The following CFAP47 variants were observed in gnomAD, a reference collection of about 807,000 sequenced individuals.
CFAP47 encodes cilia and flagella associated protein 47, also known as cilia- and flagella-associated protein 47.
Under a neutral mutation model 148.1 loss-of-function variants are expected in CFAP47, and 29 were observed. The ratio of observed to expected loss-of-function variants is 0.20; its 90% CI spans 0.15 to 0.27. The LOEUF (loss-of-function observed/expected upper bound fraction) is 0.27, where lower values mean the gene tolerates loss of function less well. Ranked by LOEUF, CFAP47 falls within the 10% of genes least tolerant of loss-of-function variation. The pLI is 1.00. For missense variants in CFAP47, 1,872 were observed against 1,697.5 expected, an observed-to-expected ratio of 1.10 and a Z score of -1.81; for synonymous variants, 664 against 577.3, an observed-to-expected ratio of 1.15 and a Z score of -2.15.
chrX:35,994,133 G>A (rs1330607766), intron 18 of CFAP47, among the ~76,000 whole-genome samples: 4 of 110,020 alleles, frequency 3.6e-5, no homozygotes, highest in Admixed American at 1.9e-4. Flanking sequence ...ATGGTGGTGG[G>A]CACCTGTAGT....
chrX:36,131,469 G>C (rs1457690986), intron 33 of CFAP47, among the ~76,000 whole-genome samples: 1 of 111,013 alleles, frequency 9.0e-6, no homozygotes, highest in Non-Finnish European at 1.9e-5. Context: ...ATAAAAAAAA[G>C]TCTCTTGAGA....
intron 35 of CFAP47, among the ~76,000 whole-genome samples, chrX:36,139,861 G>A (rs1323154313): frequency 2.7e-5 from 3 of 110,939 alleles, no homozygotes; most frequent in African/African-American, 9.9e-5. Flanking sequence ...ATGTCACTTT[G>A]TACCATTCCT....
chrX:36,361,326 C>T lies in CFAP47; in HGVS notation c.8852-4C>T, dbSNP rs1353739026. ...GAAATATATTTTCATCTTGACTTTC[C>T]TAGAAATTCCTAAAATACATGAATT... On this transcript the variant is annotated splice_region_variant and splice_polypyrimidine_tract_variant and intron_variant, in intron 60 of 63. Transcript: ENST00000378653. The T allele has an allele frequency of 1.9e-6, 2 of 1,042,063 alleles. No individual in the cohort carries two copies. Among genetic ancestry groups the T allele is most frequent in the East Asian group, 3.4e-5 (1 of 29,080 alleles). The allele number at this position is 1,042,063 out of a possible 1,213,427, so 85.9% of individuals were successfully genotyped here.
chrX:36,214,258 G>C (rs1174530520), intron 45 of CFAP47, among the ~76,000 whole-genome samples: 2 of 111,181 alleles, frequency 1.8e-5, no homozygotes, highest in Non-Finnish European at 3.8e-5. Context: ...CAGTACAAAT[G>C]GGGTATAAAA....
At chrX:36,174,462 T>C (rs1371755470) in intron 39 of CFAP47, among the ~76,000 whole-genome samples, 1 of 108,664 alleles carries the variant, frequency 9.2e-6, no homozygotes, top group Non-Finnish European at 1.9e-5. Flanking sequence ...CCATGTTGAG[T>C]GCTTCCTTCA....
intron 33 of CFAP47, among the ~76,000 whole-genome samples, chrX:36,110,973 T>C (rs1228387826): frequency 4.5e-5 from 5 of 111,964 alleles, no homozygotes; most frequent in African/African-American, 6.5e-5. Flanking sequence ...AGACTTTGCT[T>C]AAGTTGTTTA....
intron 2 of CFAP47, among the ~76,000 whole-genome samples, chrX:35,931,932 G>A (rs1935831969): frequency 9.0e-6 from 1 of 110,714 alleles, no homozygotes; most frequent in African/African-American, 3.3e-5. Context: ...CTGATTGTAT[G>A]TAGCTAGTGC....
At chrX:36,183,135 C>T (rs761279408) in intron 40 of CFAP47, among the ~76,000 whole-genome samples, 6 of 111,750 alleles carry the variant, frequency 5.4e-5, no homozygotes, top group Admixed American at 4.7e-4. Context: ...CATGGTGAAA[C>T]CCTGTCTCTA....
At chrX:36,144,008 G>C (rs986891459) in intron 35 of CFAP47, among the ~76,000 whole-genome samples, 1 of 111,148 alleles carries the variant, frequency 9.0e-6, no homozygotes, top group Non-Finnish European at 1.9e-5. Flanking sequence ...TTTCTTATGC[G>C]TGACCCAAAT....
chrX:36,174,145 T>C (rs1939631041), intron 39 of CFAP47, among the ~76,000 whole-genome samples: 1 of 107,584 alleles, frequency 9.3e-6, no homozygotes, highest in Admixed American at 9.9e-5. Flanking sequence ...TTGTTTTCCA[T>C]TGGCTTGGTA....
intron 15 of CFAP47, among the ~76,000 whole-genome samples, chrX:35,978,261 T>C (rs1054917186): frequency 8.9e-6 from 1 of 111,885 alleles, no homozygotes; most frequent in Admixed American, 9.5e-5. Context: ...TAGCCTATAC[T>C]TCTCCTTGTA....
intron 2 of CFAP47, among the ~76,000 whole-genome samples, chrX:35,936,866 T>C (rs1302242728): frequency 9.1e-6 from 1 of 109,490 alleles, no homozygotes; most frequent in Non-Finnish European, 1.9e-5. Context: ...CACATGTCTC[T>C]TGATAGAGGA....
chrX:36,299,680 G>T (rs1569312046), intron 52 of CFAP47, among the ~76,000 whole-genome samples: 1 of 111,110 alleles, frequency 9.0e-6, no homozygotes, highest in African/African-American at 3.3e-5. Flanking sequence ...ACCTCCCAGC[G>T]CCTGGTAACA....
intron 26 of CFAP47, among the ~76,000 whole-genome samples, chrX:36,057,145 CTCCA>C (rs1236723770): frequency 9.0e-6 from 1 of 111,380 alleles, no homozygotes; most frequent in Non-Finnish European, 1.9e-5. Flanking sequence ...ATGTCAATTT[CTCCA>C]TCCATCCATA....
intron 51 of CFAP47, among the ~76,000 whole-genome samples, chrX:36,294,105 G>A (rs782454655): frequency 7.2e-5 from 8 of 111,657 alleles, no homozygotes; most frequent in Non-Finnish European, 1.3e-4. Context: ...ATTCAAGATA[G>A]AAGAAGGCAA....
chrX:36,000,021 A>T (rs1936895660), intron 19 of CFAP47, among the ~76,000 whole-genome samples: 1 of 111,161 alleles, frequency 9.0e-6, no homozygotes. Context: ...TAGAAACTAA[A>T]TGAAAAGTGA....
intron 39 of CFAP47, among the ~76,000 whole-genome samples, chrX:36,163,829 C>T (rs1360171624): frequency 5.4e-5 from 6 of 111,243 alleles, no homozygotes; most frequent in African/African-American, 1.6e-4. Context: ...AGGCTGGTCT[C>T]GAACTCTTGA....
chrX:36,369,413 A>C (rs1175575685), intron 62 of CFAP47, among the ~76,000 whole-genome samples: 1 of 110,756 alleles, frequency 9.0e-6, no homozygotes, highest in Non-Finnish European at 1.9e-5. Context: ...GCATAATTAT[A>C]TATACCCTTT....
Position 36,205,130 on chromosome X carries a change from C to T in CFAP47, c.6817+20C>T. 6.8e-6 allele frequency: 2 copies of T among 294,925 alleles called. No homozygotes were observed. The highest frequency in any genetic ancestry group is 5.9e-6 in the Non-Finnish European group (1 of 168,620). The allele number at this position is 294,925 out of a possible 1,213,427, so 24.3% of individuals were successfully genotyped here. A position where few individuals can be genotyped will look rare whatever the true frequency, so the allele number is the denominator to read the frequency against. On this transcript the variant is annotated intron_variant, in intron 45 of 63. Transcript: ENST00000378653. ...CAAAAGGTAATCAGTGATGTGCGGC[C>T]TAAAAATCTAAGTGTTCCGGGAATG...
Sources: allele counts gnomAD v4.1 joint callset (sites outside exome capture counted in the v4.1 genomes callset), GRCh38; gene constraint gnomAD v4.1.1; transcripts MANE v1.5; gene names NCBI Gene and HGNC (gene_info 2026-07-23, HGNC 2026-07-21).